Variants in STARD13 observed in about 807,000 individuals in gnomAD.
STARD13 encodes the protein stAR-related lipid transfer protein 13.
STARD13 carries 62 observed loss-of-function variants against 106.4 expected under a neutral mutation model. That is an observed-to-expected ratio of 0.58 (90% CI 0.48 to 0.72). The LOEUF is 0.72. Ranked by LOEUF, STARD13 falls within the 30% of genes least tolerant of loss-of-function variation. The pLI is 0.00. For missense variants in STARD13, 1,387 were observed against 1,424.0 expected (o/e 0.97, Z 0.42); for synonymous variants, 565 against 553.0 (o/e 1.02, Z -0.31).
chr13:33,620,353 G>A, the STARD13 span, among the ~76,000 whole-genome samples: 7,903 of 150,334 alleles, frequency 0.053, 388 homozygotes, highest in East Asian at 0.17. Context: ...CGCTATCTCA[G>A]CTCACTGAAA....
At chr13:33,579,812 G>A in the STARD13 span, among the ~76,000 whole-genome samples, 19 of 151,866 alleles carry the variant, frequency 1.3e-4, no homozygotes, top group African/African-American at 4.3e-4. Flanking sequence ...ATAAATACAT[G>A]AGAAATTGCC....
chr13:33,483,846 G>C, the STARD13 span, among the ~76,000 whole-genome samples: 1 of 152,114 alleles, frequency 6.6e-6, no homozygotes, highest in East Asian at 1.9e-4. Context: ...GCAAGCAATG[G>C]GACCTAGACC....
At chr13:33,219,194 G>A (rs1246511585) in intron 1 of STARD13, among the ~76,000 whole-genome samples, 1 of 152,114 alleles carries the variant, frequency 6.6e-6, no homozygotes, top group Non-Finnish European at 1.5e-5. Flanking sequence ...CACAGTTCCA[G>A]GGCATGACTG....
At chr13:33,352,609 A>G (rs1488485328), upstream of STARD13, among the ~76,000 whole-genome samples, 2 of 152,332 alleles carry the variant, frequency 1.3e-5, no homozygotes, top group South Asian at 2.1e-4. Flanking sequence ...TGGATGGCCC[A>G]TGAATTGAGG....
chr13:33,348,990 GA>G (rs1379881755), exon 2 of STARD13: 8 of 617,916 alleles, frequency 1.3e-5, no homozygotes, highest in Admixed American at 2.6e-5. Context: ...ATCTTCCCCA[GA>G]ATGCTTTCAG....
chr13:33,163,712 C>T lies in STARD13; in HGVS notation c.323+1625G>A, dbSNP rs1353008568. The stretch of plus-strand genomic sequence containing the variant: ...ATATATATATAACATATATATAAAA[C>T]ATATATATAACATATATAAAACATA... On this transcript the variant is annotated intron_variant, in intron 3 of 13. Transcript: ENST00000336934. 8.0e-5 allele frequency among the ~76,000 whole-genome samples: 5 copies of T among 62,424 alleles called. 1 individual carries two copies. The highest frequency in any genetic ancestry group is 5.4e-4 in the Admixed American group (3 of 5,528). 41.0% of individuals were successfully genotyped at this position (62,424 alleles called of 152,430 possible).
intron 1 of STARD13, among the ~76,000 whole-genome samples, chr13:33,244,578 G>A (rs1202593139): frequency 6.6e-6 from 1 of 152,060 alleles, no homozygotes; most frequent in Admixed American, 6.6e-5. Context: ...TCAAGCAGAA[G>A]TGATGTGCAA....
the STARD13 span, among the ~76,000 whole-genome samples, chr13:33,484,308 G>A: frequency 1.2e-4 from 18 of 152,224 alleles, no homozygotes; most frequent in South Asian, 4.2e-4. Context: ...TAAGATGTAG[G>A]CATAGTTAAA....
At chr13:33,116,062 G>A (rs1847130296) in intron 8 of STARD13, among the ~76,000 whole-genome samples, 2 of 152,114 alleles carry the variant, frequency 1.3e-5, no homozygotes, top group Non-Finnish European at 2.9e-5. Context: ...AACAACACCC[G>A]ACGGTTCCCC....
At chr13:33,418,512 G>C in the STARD13 span, among the ~76,000 whole-genome samples, 2 of 152,134 alleles carry the variant, frequency 1.3e-5, no homozygotes, top group Admixed American at 1.3e-4. Context: ...TGTGGGCAGG[G>C]CATAGCTGAA....
the STARD13 span, among the ~76,000 whole-genome samples, chr13:33,399,477 G>A: frequency 2.0e-5 from 3 of 152,086 alleles, no homozygotes; most frequent in South Asian, 2.1e-4. Context: ...GGTGGATCAC[G>A]AGGTCAGGAG....
chr13:33,539,121 A>C, the STARD13 span, among the ~76,000 whole-genome samples: 1 of 152,222 alleles, frequency 6.6e-6, no homozygotes, highest in African/African-American at 2.4e-5. Flanking sequence ...AAATTCTAGA[A>C]CTAAAATAAA....
At chr13:33,421,508 A>G in the STARD13 span, among the ~76,000 whole-genome samples, 1 of 152,198 alleles carries the variant, frequency 6.6e-6, no homozygotes, top group Non-Finnish European at 1.5e-5. Flanking sequence ...GCCGAACTCT[A>G]CCAAGGTACA....
the STARD13 span, among the ~76,000 whole-genome samples, chr13:33,434,445 A>AT: frequency 3.3e-5 from 5 of 152,158 alleles, no homozygotes; most frequent in South Asian, 1.0e-3. Flanking sequence ...GCAAATTAAC[A>AT]TTTTTGACCC....
At chr13:33,562,568 G>A in the STARD13 span, among the ~76,000 whole-genome samples, 13 of 146,490 alleles carry the variant, frequency 8.9e-5, 2 homozygotes, top group South Asian at 1.5e-3. Context: ...AATAAATAAT[G>A]TACATACCAC....
At chr13:33,396,643 T>C in the STARD13 span, among the ~76,000 whole-genome samples, 1 of 152,202 alleles carries the variant, frequency 6.6e-6, no homozygotes, top group Non-Finnish European at 1.5e-5. Flanking sequence ...CAATGATTTT[T>C]AACGACTGCC....
chr13:33,166,455 C>A (rs1347598339), intron 2 of STARD13, among the ~76,000 whole-genome samples: 1 of 152,102 alleles, frequency 6.6e-6, no homozygotes, highest in African/African-American at 2.4e-5. Context: ...ACAGCTGTGC[C>A]ACTACAAGCC....
At position 33,105,719 on chromosome 13, in the gene STARD13, A is replaced by G. The variant is rs1432153491; in HGVS notation, c.3225-9T>C. 3 of 1,604,038 alleles carry G rather than the reference A, an allele frequency of 1.9e-6. No individual in the cohort carries two copies. The highest frequency in any genetic ancestry group is 2.2e-5 in the East Asian group (1 of 44,872). On this transcript the variant is annotated splice_polypyrimidine_tract_variant and intron_variant, in intron 13 of 13. Coordinates refer to ENST00000336934, the MANE Select transcript of STARD13 (RefSeq NM_178006.4). ...ATTCTGGGGAGTGACCTCTGTGGGG[A>G]AAGAAATCAGAAAGGAAGTGGGAAA... is the stretch of plus-strand genomic sequence containing the variant.
chr13:33,590,448 C>T, the STARD13 span, among the ~76,000 whole-genome samples: 2 of 151,728 alleles, frequency 1.3e-5, no homozygotes, highest in Admixed American at 1.3e-4. Context: ...TGGAACCAAC[C>T]CAAATGTCCA....
Sources: gnomAD v4.1 joint callset for allele counts (sites outside exome capture counted in the v4.1 genomes callset) on GRCh38, gnomAD v4.1.1 for gene constraint, MANE v1.5 for transcripts, NCBI Gene and HGNC (gene_info 2026-07-23, HGNC 2026-07-21) for gene names.